Variants in WNK2 observed in about 807,000 individuals in gnomAD.
The protein encoded by WNK2 is WNK lysine deficient protein kinase 2.
A neutral mutation model predicts 192.1 loss-of-function variants in WNK2; 67 were observed. That is an observed-to-expected ratio of 0.35 (90% CI 0.29 to 0.43). WNK2 has a LOEUF of 0.43. Among genes scored for constraint, WNK2 ranks in the 20% least tolerant of loss-of-function variants. The pLI, the probability that WNK2 is intolerant of heterozygous loss-of-function variation, is 1.00. For synonymous variants in WNK2, 1,439 were observed against 1,393.9 expected (o/e 1.03, Z -0.72); for missense variants, 2,698 against 3,089.7 (o/e 0.87, Z 3.01).
intron 7 of WNK2, among the ~76,000 whole-genome samples, chr9:93,244,902 C>G (rs1197029452): frequency 6.6e-6 from 1 of 152,164 alleles, no homozygotes; most frequent in Non-Finnish European, 1.5e-5. Flanking sequence ...TCCTCCTTCC[C>G]AGCTGGGCTG....
chr9:93,252,031 G>A (rs929194204), intron 8 of WNK2, among the ~76,000 whole-genome samples: 7 of 152,176 alleles, frequency 4.6e-5, no homozygotes, highest in Admixed American at 6.5e-5. Flanking sequence ...AGCCCCTCGC[G>A]AAAATAGTGT....
At chr9:93,296,484 T>TTA (rs1304483554) in intron 23 of WNK2, among the ~76,000 whole-genome samples, 4 of 18,416 alleles carry the variant, frequency 2.2e-4, no homozygotes, top group South Asian at 3.8e-3. Context: ...TCCTTCCTTC[T>TTA]CCCTCCTCCC....
At chr9:93,289,888 G>C in intron 20 of WNK2, 90 bp from the exon 21 acceptor site, 2 of 1,323,516 alleles carry the variant, frequency 1.5e-6, no homozygotes, top group Middle Eastern at 1.9e-4. Context: ...GGGGCAGCTT[G>C]AGATGAGGGG....
intron 2 of WNK2, among the ~76,000 whole-genome samples, chr9:93,195,193 G>C (rs964018655): frequency 1.7e-4 from 26 of 152,134 alleles, no homozygotes; most frequent in Admixed American, 7.2e-4. Flanking sequence ...GAACCCAAGT[G>C]TAAATGTTGG....
chr9:93,319,494 C>G (rs1855247871), intron 29 of WNK2: 1 of 799,094 alleles, frequency 1.3e-6, no homozygotes, highest in Non-Finnish European at 1.5e-6. Context: ...GCTGGGCTGC[C>G]CACCACTCTG....
chr9:93,261,779 G>A (rs117225753), intron 12 of WNK2, 35 bp from the exon 13 acceptor site: 11 of 1,559,818 alleles, frequency 7.1e-6, no homozygotes, highest in East Asian at 2.3e-5. Flanking sequence ...AGGCAGCGCC[G>A]GCCCTGACTT....
At chr9:93,306,999 C>A in intron 27 of WNK2, 178 bp downstream of exon 27, 1 of 726,886 alleles carries the variant, frequency 1.4e-6, no homozygotes, top group Non-Finnish European at 2.4e-6. Flanking sequence ...GATCGCTGTC[C>A]TCGGCTCCCC....
intron 28 of WNK2, chr9:93,316,588 T>G (rs7042943): frequency 0.12 from 17,560 of 152,282 alleles, 1,101 homozygotes; most frequent in Middle Eastern, 0.15. Context: ...TGGTTGACTT[T>G]CGTACCCCAT....
At chr9:93,282,886 C>G (rs1342158705) in intron 19 of WNK2, among the ~76,000 whole-genome samples, 1 of 152,122 alleles carries the variant, frequency 6.6e-6, no homozygotes, top group East Asian at 1.9e-4. Context: ...TTTAATTTAA[C>G]TTTACGCAGA....
At chr9:93,242,426 G>A (rs892864791) in intron 7 of WNK2, among the ~76,000 whole-genome samples, 3 of 152,192 alleles carry the variant, frequency 2.0e-5, no homozygotes, top group Non-Finnish European at 4.4e-5. Flanking sequence ...GGTGCACAGA[G>A]GTACATTTTT....
At chr9:93,226,443 A>AT (rs1217595094) in intron 2 of WNK2, among the ~76,000 whole-genome samples, 2 of 150,784 alleles carry the variant, frequency 1.3e-5, no homozygotes, top group Non-Finnish European at 3.0e-5. Context: ...TGGTCTTTGG[A>AT]TTTTTTTCCT....
chr9:93,268,140 T>G lies in WNK2; in HGVS notation c.3913+75T>G. Reference sequence around the variant, plus strand: ...TCCCCACTCAGCATATTACCAGGGGTTTGGCCATTGCTTGGGGGGATTATG... The same window carrying G: ...TCCCCACTCAGCATATTACCAGGGGGTTGGCCATTGCTTGGGGGGATTATG... On this transcript the variant is annotated intron_variant, in intron 18 of 29. Coordinates refer to ENST00000427277, the MANE Select transcript of WNK2 (RefSeq NM_006648.4). The G allele has an allele frequency of 1.9e-6, 3 of 1,539,820 alleles. No individual in the cohort carries two copies. The South Asian group carries it at 3.6e-5, about 18-fold the overall frequency.
intron 2 of WNK2, among the ~76,000 whole-genome samples, chr9:93,195,742 AT>A (rs1831165768): frequency 6.6e-6 from 1 of 150,848 alleles, no homozygotes; most frequent in Admixed American, 6.6e-5. Flanking sequence ...CTGAAAAAAA[AT>A]ATCAACCATA....
chr9:93,229,604 G>A lies in WNK2; in HGVS notation c.682-92G>A, dbSNP rs897395728. 7.0e-7 allele frequency: 1 copy of A among 1,433,188 alleles called. No individual in the cohort carries two copies. Among genetic ancestry groups the A allele is most frequent in the South Asian group, 1.4e-5 (1 of 73,578 alleles). 88.8% of individuals were successfully genotyped at this position (1,433,188 alleles called of 1,614,324 possible). A position where few individuals can be genotyped will look rare whatever the true frequency, so the allele number is the denominator to read the frequency against. ...CTGCCTGTGGGTATGGGAAGGGCTG[G>A]TCCTACTGTGTGGCGCTGCTGGGAT... On this transcript the variant is annotated intron_variant, in intron 2 of 29. Coordinates refer to ENST00000427277, the MANE Select transcript of WNK2 (RefSeq NM_006648.4). This position sits in a 1 kb window ranked among gnomAD's most constrained non-coding sequence, Gnocchi z 4.9.
chr9:93,257,138 A>G lies in WNK2; in HGVS notation c.2381A>G (p.Gln794Arg). 1.2e-6 allele frequency: 2 copies of G among 1,604,942 alleles called. No individual in the cohort carries two copies. The highest frequency in any genetic ancestry group is 1.7e-6 in the Non-Finnish European group (2 of 1,178,180). The change falls in exon 11 of 30, where the codon CAG becomes CGG. Residue 794 changes from glutamine to arginine, a missense_variant and splice_region_variant. This residue lies in a region of WNK2 where 893 missense variants were observed against 909.0 expected (regional missense o/e 0.98). Coordinates refer to ENST00000427277, the MANE Select transcript of WNK2 (RefSeq NM_006648.4). The surrounding 1 kb of genome is among the most constrained non-coding windows in gnomAD (Gnocchi z 4.7). ...CAGCCGCTTGCTCAAGTCCCTCCGCAGGTAATTCTAGGTTGATGGCTGCCG... is the reference window on the plus strand; with the variant it reads ...CAGCCGCTTGCTCAAGTCCCTCCGCGGGTAATTCTAGGTTGATGGCTGCCG... ...PLQPLAQVPP[Q>R]MPPIPVVPPI...
intron 2 of WNK2, among the ~76,000 whole-genome samples, chr9:93,195,112 A>G (rs1026264654): frequency 5.9e-5 from 9 of 152,158 alleles, no homozygotes; most frequent in African/African-American, 1.9e-4. Context: ...ACTATTTTGT[A>G]TGATACTTTA....
At position 93,255,481 on chromosome 9, in the gene WNK2, C is replaced by T. The variant is rs116837546; in HGVS notation, c.2035-818C>T. ...CAGAAGCCCAGCTTGATCCCAGATACACTTGCTCCAACCACTCACACCATG... is the reference window on the plus strand; with the variant it reads ...CAGAAGCCCAGCTTGATCCCAGATATACTTGCTCCAACCACTCACACCATG... On this transcript the variant is annotated intron_variant, in intron 9 of 29. Coordinates refer to ENST00000427277, the MANE Select transcript of WNK2 (RefSeq NM_006648.4). 6.2e-3 allele frequency among the ~76,000 whole-genome samples: 939 copies of T among 152,328 alleles called. 9 individuals are homozygous for T. Among genetic ancestry groups the T allele is most frequent in the African/African-American group, 0.021 (885 of 41,570 alleles).
chr9:93,262,763 G>A (rs1346591292), intron 14 of WNK2, 44 bp downstream of exon 14: 12 of 1,598,996 alleles, frequency 7.5e-6, no homozygotes, highest in Middle Eastern at 1.7e-4. Flanking sequence ...GTGTAGGGGC[G>A]CAGGCCTGTA....
chr9:93,204,305 G>A (rs1206886341), intron 2 of WNK2, among the ~76,000 whole-genome samples: 1 of 152,206 alleles, frequency 6.6e-6, no homozygotes, highest in Non-Finnish European at 1.5e-5. Flanking sequence ...AGGCAGACGA[G>A]GGCGGGCAGA....
Sources: gnomAD v4.1 joint callset for allele counts (sites outside exome capture counted in the v4.1 genomes callset) on GRCh38, gnomAD v4.1.1 for gene constraint, gnomAD v4.1.1 regional missense constraint, Gnocchi (gnomAD v3.1) non-coding constraint, MANE v1.5 for transcripts, NCBI Gene and HGNC (gene_info 2026-07-23, HGNC 2026-07-21) for gene names.